Variants in STK17B observed in about 807,000 individuals in gnomAD.
STK17B encodes serine/threonine-protein kinase 17B.
A neutral mutation model predicts 42.0 loss-of-function variants in STK17B; 21 were observed. The observed-to-expected ratio is 0.50, with a 90% CI of 0.35 to 0.72. The LOEUF (loss-of-function observed/expected upper bound fraction) is 0.72, where lower values mean the gene tolerates loss of function less well. Ranked by LOEUF, STK17B falls within the 30% of genes least tolerant of loss-of-function variation. The pLI is 0.00. For synonymous variants in STK17B, 143 were observed against 148.4 expected (o/e 0.96, Z 0.26); for missense variants, 349 against 446.0 (o/e 0.78, Z 1.96).
At chr2:196,147,730 TA>T (rs1471436222) in intron 3 of STK17B, among the ~76,000 whole-genome samples, 1 of 112,594 alleles carries the variant, frequency 8.9e-6, no homozygotes, top group African/African-American at 3.2e-5. Flanking sequence ...TCATGAGACA[TA>T]ATATATTTTT....
chr2:196,156,237 T>C (rs1699735984), intron 3 of STK17B: 1 of 471,774 alleles, frequency 2.1e-6, no homozygotes, highest in African/African-American at 2.0e-5. Flanking sequence ...CATTTGCTTA[T>C]TCTGTGCTGT....
intron 3 of STK17B, chr2:196,154,139 C>CA (rs1184988872): frequency 6.6e-6 from 1 of 152,170 alleles, no homozygotes; most frequent in Non-Finnish European, 1.5e-5. Context: ...GAGGCTGAGG[C>CA]AGGGCAATCG....
At chr2:196,138,227 T>C (rs1486360276) in intron 7 of STK17B, among the ~76,000 whole-genome samples, 2 of 152,320 alleles carry the variant, frequency 1.3e-5, no homozygotes, top group East Asian at 1.9e-4. Flanking sequence ...CACAAACATA[T>C]ACACACACAT....
Position 196,134,482 on chromosome 2 carries a change from T to G in STK17B, c.*2965A>C, listed in dbSNP as rs2105664894. 6.6e-6 allele frequency: 1 copy of G among 152,302 alleles called. No homozygotes were observed. The highest frequency in any genetic ancestry group is 1.9e-4 in the East Asian group (1 of 5,180). 9.4% of individuals were successfully genotyped at this position (152,302 alleles called of 1,614,324 possible). A position where few individuals can be genotyped will look rare whatever the true frequency, so the allele number is the denominator to read the frequency against. Reference sequence around the variant, plus strand: ...TGATAAATGTAATGTACTTGAATCATCCTGAAACCATCCCCCTAAACCCCC... The same window carrying G: ...TGATAAATGTAATGTACTTGAATCAGCCTGAAACCATCCCCCTAAACCCCC... On this transcript the variant is annotated 3_prime_UTR_variant, in exon 8 of 8. Transcript: ENST00000263955.
At chr2:196,152,448 G>T (rs1699678732) in intron 3 of STK17B, among the ~76,000 whole-genome samples, 1 of 152,172 alleles carries the variant, frequency 6.6e-6, no homozygotes, top group Non-Finnish European at 1.5e-5. Context: ...TGCTCATATG[G>T]AAGGAAATTT....
intron 3 of STK17B, among the ~76,000 whole-genome samples, chr2:196,150,328 A>T (rs1699648884): frequency 6.6e-6 from 1 of 152,192 alleles, no homozygotes; most frequent in Admixed American, 6.5e-5. Context: ...CCTTGCAGGG[A>T]TATCAACAAA....
intron 2 of STK17B, 57 bp from the exon 3 acceptor site, chr2:196,156,708 T>C: frequency 7.5e-7 from 1 of 1,339,528 alleles, no homozygotes; most frequent in Admixed American, 2.1e-5. Flanking sequence ...AACGTTAGTA[T>C]ATTACAGATT....
rs919525821 is a variant in STK17B at position 196,150,080 on chromosome 2, C to A, written c.336-4025G>T. On this transcript the variant is annotated intron_variant, in intron 3 of 7. Transcript: ENST00000263955. ...AACTGATAACACAAGCAGCAAATTG[C>A]AGAAGTTGGCAGAAATTGGAAAAAG... Among the ~76,000 whole-genome samples, 16 of 146,482 alleles carry A rather than the reference C, an allele frequency of 1.1e-4. No homozygotes were observed. In the East Asian group the frequency reaches 3.2e-3, roughly 30 times the overall value.
rs760354134 is a variant in STK17B at position 196,137,060 on chromosome 2, G to A, written c.*387C>T. The A allele has an allele frequency of 1.1e-4, 20 of 178,580 alleles. No homozygotes were observed. Among genetic ancestry groups the A allele is most frequent in the Non-Finnish European group, 2.1e-4 (18 of 84,880 alleles). 11.1% of individuals were successfully genotyped at this position (178,580 alleles called of 1,614,324 possible). On this transcript the variant is annotated 3_prime_UTR_variant, in exon 8 of 8. Coordinates refer to ENST00000263955, the MANE Select transcript of STK17B (RefSeq NM_004226.4). ...GAGGCATGGTATAAGAGTCACCTTA[G>A]AGAGAGAACCTATTAAATTCCAATG...
chr2:196,151,226 T>C (rs1699661228), intron 3 of STK17B: 1 of 152,172 alleles, frequency 6.6e-6, no homozygotes, highest in African/African-American at 2.4e-5. Flanking sequence ...ACAAAGTTTT[T>C]GTTCTGTGTT....
chr2:196,139,516 T>C, intron 7 of STK17B, 104 bp downstream of exon 7: 1 of 734,780 alleles, frequency 1.4e-6, no homozygotes, highest in Non-Finnish European at 1.9e-6. Context: ...AATAATTTTA[T>C]ACTATTTTAG....
At chr2:196,166,770 T>A (rs1699878813) in intron 1 of STK17B, among the ~76,000 whole-genome samples, 1 of 152,206 alleles carries the variant, frequency 6.6e-6, no homozygotes, top group Non-Finnish European at 1.5e-5. Flanking sequence ...GCAAGTGTGA[T>A]GTGAACAAAA....
At chr2:196,152,359 G>A (rs1699677531) in intron 3 of STK17B, among the ~76,000 whole-genome samples, 1 of 151,910 alleles carries the variant, frequency 6.6e-6, no homozygotes, top group East Asian at 1.9e-4. Flanking sequence ...CTCCTGCCCT[G>A]GCCTCCCAAA....
intron 3 of STK17B, among the ~76,000 whole-genome samples, chr2:196,152,300 G>C (rs969301215): frequency 2.0e-5 from 3 of 151,936 alleles, no homozygotes; most frequent in Non-Finnish European, 4.4e-5. Flanking sequence ...GTAGAGACAG[G>C]GTTTCACCCT....
intron 4 of STK17B, among the ~76,000 whole-genome samples, chr2:196,145,602 A>G (rs923803145): frequency 2.0e-5 from 3 of 152,234 alleles, no homozygotes; most frequent in African/African-American, 7.2e-5. Flanking sequence ...GCATTTTAAA[A>G]TAAGAAGGTC....
chr2:196,144,788 T>C (rs868708029), intron 4 of STK17B, among the ~76,000 whole-genome samples: 4 of 152,164 alleles, frequency 2.6e-5, no homozygotes, highest in Non-Finnish European at 2.9e-5. Context: ...TCATAACCCA[T>C]ACCTCTGCCA....
chr2:196,140,120 TG>T (rs1699472515), intron 6 of STK17B, among the ~76,000 whole-genome samples: 1 of 152,206 alleles, frequency 6.6e-6, no homozygotes, highest in African/African-American at 2.4e-5. Context: ...TGGTTTCCAA[TG>T]GCAAAGTAAT....
At chr2:196,155,732 C>A (rs149975230) in intron 3 of STK17B, among the ~76,000 whole-genome samples, 1 of 152,160 alleles carries the variant, frequency 6.6e-6, no homozygotes, top group Admixed American at 6.5e-5. Flanking sequence ...ACGTGACAGA[C>A]AATCATGCAA....
rs537143112 is a variant in STK17B at position 196,156,580 on chromosome 2, T to C, written c.194A>G (p.Lys65Arg). ...ACAATCCTGTCCTCTTCTTCTCTTT[T>C]TTAGAAATTTTGCAGCATATTCTTG... is the stretch of plus-strand genomic sequence containing the variant. ...TGQEYAAKFL[K>R]KRRRGQDCRA... The change falls in exon 3 of 8, where the codon AAA (lysine) becomes AGA (arginine). Residue 65 changes from lysine to arginine, a missense_variant. Coordinates refer to ENST00000263955, the MANE Select transcript of STK17B (RefSeq NM_004226.4). The C allele has an allele frequency of 1.2e-6, 2 of 1,613,996 alleles. No individual in the cohort carries two copies. Among genetic ancestry groups the C allele is most frequent in the Non-Finnish European group, 1.7e-6 (2 of 1,180,004 alleles).
Sources: allele counts gnomAD v4.1 joint callset (sites outside exome capture counted in the v4.1 genomes callset), GRCh38; gene constraint gnomAD v4.1.1; transcripts MANE v1.5; gene names NCBI Gene and HGNC (gene_info 2026-07-23, HGNC 2026-07-21).